The following OXR1 variants were observed in gnomAD, a reference collection of about 807,000 sequenced individuals.
OXR1 encodes oxidation resistance protein 1.
Under a neutral mutation model 104.6 loss-of-function variants are expected in OXR1, and 41 were observed. The observed-to-expected ratio is 0.39, with a 90% CI of 0.31 to 0.51. The LOEUF (loss-of-function observed/expected upper bound fraction) is 0.51, where lower values mean the gene tolerates loss of function less well. OXR1 is among the 20% of genes least tolerant of loss of function. The probability of loss-of-function intolerance (pLI) is 0.77; values close to 1 mark genes in which losing one functional copy is unlikely to be tolerated. For synonymous variants in OXR1, 348 were observed against 348.4 expected (o/e 1.00, Z 0.01); for missense variants, 955 against 1,031.9 (o/e 0.93, Z 1.02).
intron 1 of OXR1, chr8:106,272,521 G>A (rs1398762233): frequency 1.3e-5 from 2 of 152,226 alleles, no homozygotes; most frequent in Admixed American, 6.5e-5. Context: ...AGATTCAGAT[G>A]AAGGGAAACA....
At chr8:106,281,326 G>A (rs1039258654) in intron 1 of OXR1, among the ~76,000 whole-genome samples, 3 of 152,138 alleles carry the variant, frequency 2.0e-5, no homozygotes, top group South Asian at 2.1e-4. Context: ...TGTCAGTTGA[G>A]GAATGGATAA....
At chr8:106,278,479 A>T (rs1444636118) in intron 1 of OXR1, among the ~76,000 whole-genome samples, 5 of 152,022 alleles carry the variant, frequency 3.3e-5, no homozygotes, top group African/African-American at 1.2e-4. Flanking sequence ...AACATGGGCA[A>T]CTAAAAAAAA....
chr8:106,321,970 A>T (rs1194153507), intron 1 of OXR1, among the ~76,000 whole-genome samples: 1 of 152,192 alleles, frequency 6.6e-6, no homozygotes, highest in Non-Finnish European at 1.5e-5. Flanking sequence ...GCAATAACAA[A>T]ACTTTATTAT....
At chr8:106,352,139 A>G (rs564114355) in intron 1 of OXR1, among the ~76,000 whole-genome samples, 107 of 152,262 alleles carry the variant, frequency 7.0e-4, no homozygotes, top group African/African-American at 2.5e-3. Context: ...CATTGTTATT[A>G]ATCAGGCATC....
intron 3 of OXR1, among the ~76,000 whole-genome samples, chr8:106,594,944 T>C (rs1028482040): frequency 1.3e-5 from 2 of 152,236 alleles, no homozygotes; most frequent in African/African-American, 4.8e-5. Flanking sequence ...TTTAGCTCTG[T>C]TAAGCTGTTG....
intron 11 of OXR1, 51 bp from the exon 12 acceptor site, chr8:106,737,467 GCT>G: frequency 7.7e-5 from 5 of 65,330 alleles, no homozygotes; most frequent in African/African-American, 2.0e-4. Flanking sequence ...TTTTTTTTTT[GCT>G]GTTTTTCTCA....
chr8:106,356,514 CT>C (rs1442083970), intron 1 of OXR1, among the ~76,000 whole-genome samples: 1 of 152,058 alleles, frequency 6.6e-6, no homozygotes, highest in East Asian at 1.9e-4. Context: ...ATGACTCTAT[CT>C]AAGATTCTAG....
Position 106,703,042 on chromosome 8 carries a change from C to T in OXR1, c.812C>T (p.Ala271Val). ...CCAATGGAAGAGGTGATGTCAGCTG[C>T]AATGTACAAAGAAATTTTGGATAGC... ...MCPMEEVMSA[A>V]MYKEILDSKI... Residue 271 changes from alanine (A) to valine (V), a missense_variant, in exon 8 of 17, where the codon GCA (alanine) becomes GTA (valine). Transcript: ENST00000517566. 6.2e-7 allele frequency: 1 copy of T among 1,613,588 alleles called. No individual in the cohort carries two copies. Among genetic ancestry groups the T allele is most frequent in the Non-Finnish European group, 8.5e-7 (1 of 1,179,654 alleles).
chr8:106,393,808 G>C (rs935187638), intron 2 of OXR1, among the ~76,000 whole-genome samples: 1 of 151,600 alleles, frequency 6.6e-6, no homozygotes, highest in Non-Finnish European at 1.5e-5. Context: ...TATGATTTTG[G>C]TATCAAATTT....
At chr8:106,607,820 T>C (rs1305758157) in intron 3 of OXR1, among the ~76,000 whole-genome samples, 1 of 152,058 alleles carries the variant, frequency 6.6e-6, no homozygotes, top group African/African-American at 2.4e-5. Flanking sequence ...TTTTTCTTTT[T>C]TTTTTTTACT....
Position 106,706,846 on chromosome 8 carries a change from G to T in OXR1, c.1325G>T (p.Ser442Ile). The change falls in exon 9 of 17, where the codon AGT becomes ATT. Residue 442 changes from serine (S) to isoleucine (I), a missense_variant. Physicochemically the swap from Ser to Ile is moderately radical, Grantham distance 142 (BLOSUM62 -2). Coordinates refer to ENST00000517566, the MANE Select transcript of OXR1 (RefSeq NM_001198533.2). ...TCAGGTCCTAAAGAAGACAGCACAA[G>T]TATAAAAGGTAATTCAGACCAGGAT... ...GISGPKEDST[S>I]IKGNSDQDSF... 1 of 1,612,438 alleles carries T rather than the reference G, an allele frequency of 6.2e-7. No individual in the cohort carries two copies. The highest frequency in any genetic ancestry group is 8.5e-7 in the Non-Finnish European group (1 of 1,179,662).
intron 2 of OXR1, among the ~76,000 whole-genome samples, chr8:106,501,111 G>C (rs541163624): frequency 1.3e-5 from 2 of 152,260 alleles, no homozygotes; most frequent in Admixed American, 1.3e-4. Flanking sequence ...AAATCTTCTT[G>C]TACAAACTCA....
chr8:106,540,270 G>T, intron 3 of OXR1, among the ~76,000 whole-genome samples: 1 of 152,168 alleles, frequency 6.6e-6, no homozygotes, highest in Non-Finnish European at 1.5e-5. Flanking sequence ...ACCATTGTTT[G>T]TATGGGTTCC....
intron 11 of OXR1, among the ~76,000 whole-genome samples, chr8:106,720,090 G>A (rs1383635819): frequency 6.6e-6 from 1 of 152,188 alleles, no homozygotes; most frequent in Admixed American, 6.5e-5. Context: ...ACAGGCGTGA[G>A]CCACCGTGTC....
At chr8:106,373,408 G>A (rs1011109973) in intron 2 of OXR1, among the ~76,000 whole-genome samples, 4 of 152,172 alleles carry the variant, frequency 2.6e-5, no homozygotes, top group African/African-American at 9.6e-5. Flanking sequence ...TGGTTTTAGT[G>A]AGGAATCAGG....
intron 9 of OXR1, among the ~76,000 whole-genome samples, chr8:106,708,676 C>T (rs1476255159): frequency 6.6e-6 from 1 of 152,024 alleles, no homozygotes; most frequent in Non-Finnish European, 1.5e-5. Flanking sequence ...TCATTTGTTG[C>T]TGGACATTTT....
intron 11 of OXR1, among the ~76,000 whole-genome samples, chr8:106,717,623 TGTAA>T (rs1026892401): frequency 3.3e-5 from 5 of 152,212 alleles, no homozygotes; most frequent in African/African-American, 7.2e-5. Flanking sequence ...CCTTTCCCTA[TGTAA>T]GTGTCATAAG....
chr8:106,421,152 T>C (rs1818888384), intron 2 of OXR1, among the ~76,000 whole-genome samples: 1 of 152,090 alleles, frequency 6.6e-6, no homozygotes, highest in Admixed American at 6.6e-5. Flanking sequence ...CACTGCCAAA[T>C]AGATGATTTC....
At chr8:106,296,782 G>A (rs994685012) in intron 1 of OXR1, among the ~76,000 whole-genome samples, 2 of 152,162 alleles carry the variant, frequency 1.3e-5, no homozygotes, top group Admixed American at 6.5e-5. Context: ...GTTTAAGAGA[G>A]GAAAGATAAC....
Sources: gnomAD v4.1 joint callset for allele counts (sites outside exome capture counted in the v4.1 genomes callset) on GRCh38, gnomAD v4.1.1 for gene constraint, MANE v1.5 for transcripts, NCBI Gene and HGNC (gene_info 2026-07-23, HGNC 2026-07-21) for gene names.